The following SPNS3 variants were observed in gnomAD, a reference collection of about 807,000 sequenced individuals.
The protein encoded by SPNS3 is SPNS lysolipid transporter 3, sphingosine-1-phosphate (putative).
A neutral mutation model predicts 54.4 loss-of-function variants in SPNS3; 51 were observed. That is an observed-to-expected ratio of 0.94 (90% CI 0.75 to 1.18). SPNS3 has a LOEUF of 1.18. Ranked by LOEUF, SPNS3 falls within the 50% of genes most tolerant of loss-of-function variation. SPNS3 has a pLI of 0.00. For synonymous variants in SPNS3, 309 were observed against 294.7 expected (o/e 1.05, Z -0.50); for missense variants, 669 against 677.4 (o/e 0.99, Z 0.14).
In SPNS3 at chr17:4,486,428, G is replaced by A. The variant is rs201116443; in HGVS notation, c.1295G>A (p.Arg432Gln). 2.1e-5 allele frequency: 33 copies of A among 1,608,100 alleles called. No individual in the cohort carries two copies. The highest frequency in any genetic ancestry group is 1.6e-4 in the Middle Eastern group (1 of 6,064). ...CCTCCGCAGATCTCTAGTGTCCTGC[G>A]GGCCAGGCGCCCTGACTCCTATCTG... ...YLTGLISSVL[R>Q]ARRPDSYLQR... The change falls in exon 11 of 12, where the codon CGG becomes CAG. Residue 432 changes from arginine to glutamine, a missense_variant. Arg to Gln is a conservative substitution (Grantham distance 43). Coordinates refer to ENST00000355530, the MANE Select transcript of SPNS3 (RefSeq NM_182538.5). The surrounding 1 kb of genome is among the most constrained non-coding windows in gnomAD (Gnocchi z 5.5).
At chr17:4,468,747 T>TTCTTTCTTTCTTTCTTTCTTTCTTTCTC (rs1567570034) in intron 8 of SPNS3, among the ~76,000 whole-genome samples, 2 of 142,880 alleles carry the variant, frequency 1.4e-5, no homozygotes, top group East Asian at 2.0e-4. Flanking sequence ...CTTTCTTTCT[T>TTCTTTCTTTCTTTCTTTCTTTCTTTCTC]TCTTTCTTTC....
intron 8 of SPNS3, among the ~76,000 whole-genome samples, chr17:4,471,860 A>ATTTT (rs766599416): frequency 1.4e-5 from 2 of 141,248 alleles, no homozygotes; most frequent in Non-Finnish European, 1.5e-5. Context: ...TTTAGGTTGG[A>ATTTT]TTTTTTGTTT....
chr17:4,467,312 A>T (rs1194939906), intron 8 of SPNS3, among the ~76,000 whole-genome samples: 3 of 152,022 alleles, frequency 2.0e-5, no homozygotes, highest in African/African-American at 7.2e-5. Flanking sequence ...CTGCTGCAAA[A>T]AAAAAATCAC....
intron 8 of SPNS3, among the ~76,000 whole-genome samples, chr17:4,459,935 T>C (rs1971451014): frequency 6.6e-6 from 1 of 151,862 alleles, no homozygotes; most frequent in African/African-American, 2.4e-5. Flanking sequence ...AGTGTGAGTA[T>C]TGGGAGGAGA....
At position 4,486,293 on chromosome 17, in the gene SPNS3, G is replaced by T. The variant is rs771468175; in HGVS notation, c.1245G>T (p.Leu415=). ...EALQITVGHI[L]GDAGSPYLTG... ...TTCAGATCACGGTGGGCCACATCCT[G>T]GGAGACGCTGGCAGCCCCTATCTCA... Residue 415 remains leucine (L), a synonymous_variant, in exon 10 of 12, where the codon CTG becomes CTT. Coordinates refer to ENST00000355530, the MANE Select transcript of SPNS3 (RefSeq NM_182538.5). This position sits in a 1 kb window ranked among gnomAD's most constrained non-coding sequence, Gnocchi z 5.5. The T allele has an allele frequency of 6.3e-7, 1 of 1,596,698 alleles. No homozygotes were observed.
At chr17:4,467,307 G>A (rs1448334492) in intron 8 of SPNS3, among the ~76,000 whole-genome samples, 2 of 151,714 alleles carry the variant, frequency 1.3e-5, no homozygotes, top group East Asian at 1.9e-4. Context: ...ATCTACTGCT[G>A]CAAAAAAAAA....
intron 8 of SPNS3, among the ~76,000 whole-genome samples, chr17:4,474,368 C>T (rs1196581936): frequency 6.6e-6 from 1 of 152,166 alleles, no homozygotes; most frequent in Non-Finnish European, 1.5e-5. Flanking sequence ...GGCCTGTGTC[C>T]TGACTGGCTC....
At chr17:4,466,466 G>A (rs1031995691) in intron 8 of SPNS3, among the ~76,000 whole-genome samples, 6 of 150,334 alleles carry the variant, frequency 4.0e-5, no homozygotes, top group African/African-American at 1.5e-4. Flanking sequence ...CTTGAGCCCA[G>A]GAGGCGGAGG....
intron 7 of SPNS3, among the ~76,000 whole-genome samples, chr17:4,449,847 G>A (rs1174014469): frequency 1.3e-5 from 2 of 152,138 alleles, no homozygotes; most frequent in African/African-American, 2.4e-5. Flanking sequence ...TGGGAAGGCT[G>A]CCGGGAGGGG....
intron 8 of SPNS3, among the ~76,000 whole-genome samples, chr17:4,474,520 A>T (rs2144184504): frequency 6.6e-6 from 1 of 152,078 alleles, no homozygotes; most frequent in South Asian, 2.1e-4. Context: ...GTTACCGCCC[A>T]GTTGGAAGAC....
intron 9 of SPNS3, among the ~76,000 whole-genome samples, chr17:4,481,626 G>A (rs953196865): frequency 2.6e-5 from 4 of 152,302 alleles, no homozygotes; most frequent in South Asian, 2.1e-4. Flanking sequence ...GCCCAGGCTC[G>A]AGGACTCTGC....
At chr17:4,437,733 G>A (rs1208304649) in intron 1 of SPNS3, among the ~76,000 whole-genome samples, 1 of 151,290 alleles carries the variant, frequency 6.6e-6, no homozygotes, top group Non-Finnish European at 1.5e-5. Flanking sequence ...ATAACAGTTT[G>A]TATGCCAGGT....
chr17:4,445,568 G>A (rs9912968), intron 3 of SPNS3, among the ~76,000 whole-genome samples: 65,816 of 151,764 alleles, frequency 0.43, 15,056 homozygotes, highest in African/African-American at 0.55. Context: ...GTAGAGACAG[G>A]GTTTCACCAT....
Position 4,449,312 on chromosome 17 carries a change from A to G in SPNS3, c.848A>G (p.Lys283Arg), listed in dbSNP as rs145581762. Reference sequence around the variant, plus strand: ...GGAGCCCTGGGGTTCTGGGCCCCCAAGTTTCTGCTCGAGGCACGCGTGGTT... The same window carrying G: ...GGAGCCCTGGGGTTCTGGGCCCCCAGGTTTCTGCTCGAGGCACGCGTGGTT... ...VTGALGFWAP[K>R]FLLEARVVHG... The change falls in exon 7 of 12, where the codon AAG (lysine) becomes AGG (arginine). Residue 283 changes from lysine to arginine, a missense_variant. Physicochemically the swap from Lys to Arg is conservative, Grantham distance 26. Coordinates refer to ENST00000355530, the MANE Select transcript of SPNS3 (RefSeq NM_182538.5). 1.9e-5 allele frequency: 30 copies of G among 1,612,378 alleles called. No homozygotes were observed. Among genetic ancestry groups the G allele is most frequent in the African/African-American group, 1.7e-4 (13 of 74,970 alleles).
chr17:4,487,167 CAAAAAAA>C (rs35822922), intron 11 of SPNS3, among the ~76,000 whole-genome samples: 5,063 of 70,534 alleles, frequency 0.072, 161 homozygotes, highest in Middle Eastern at 0.16. Flanking sequence ...AAGACTGTCT[CAAAAAAA>C]AAAAAAAAAA....
intron 9 of SPNS3, among the ~76,000 whole-genome samples, chr17:4,485,642 C>T (rs539017092): frequency 4.6e-5 from 7 of 152,154 alleles, no homozygotes; most frequent in African/African-American, 7.2e-5. Flanking sequence ...GTGATCCACC[C>T]GCCTTGGCCT....
rs923920390 is a variant in SPNS3 at position 4,458,619 on chromosome 17, T to G, written c.1113+5414T>G. 4.2e-5 allele frequency among the ~76,000 whole-genome samples: 5 copies of G among 119,610 alleles called. No homozygotes were observed. The South Asian group carries it at 8.2e-4, about 20-fold the overall frequency. 78.5% of individuals were successfully genotyped at this position (119,610 alleles called of 152,430 possible). On this transcript the variant is annotated intron_variant, in intron 8 of 11. Transcript: ENST00000355530. ...TTTCTTTCTTTCTTTCTTTCTTTCT[T>G]TCTTTCTTTCTTTCTTTCTTTCTTT... is the stretch of plus-strand genomic sequence containing the variant.
At chr17:4,434,803 C>T (rs550340711) in intron 1 of SPNS3, among the ~76,000 whole-genome samples, 16 of 145,138 alleles carry the variant, frequency 1.1e-4, no homozygotes, top group South Asian at 2.2e-4. Context: ...CCACCGTGCC[C>T]GGCCTTTTTT....
At chr17:4,476,373 C>T (rs185380902) in intron 8 of SPNS3, among the ~76,000 whole-genome samples, 2 of 152,162 alleles carry the variant, frequency 1.3e-5, no homozygotes, top group African/African-American at 4.8e-5. Context: ...CACCCTGTCC[C>T]AGCTGGAGGA....
Sources: gnomAD v4.1 joint callset for allele counts (sites outside exome capture counted in the v4.1 genomes callset) on GRCh38, gnomAD v4.1.1 for gene constraint, Gnocchi (gnomAD v3.1) non-coding constraint, MANE v1.5 for transcripts, NCBI Gene and HGNC (gene_info 2026-07-23, HGNC 2026-07-21) for gene names.